The following ACSS3 variants were observed in gnomAD, a reference collection of about 807,000 sequenced individuals.
ACSS3 encodes the protein acyl-CoA synthetase short chain family member 3, also known as acyl-CoA synthetase short-chain family member 3, mitochondrial.
In ACSS3, 64 loss-of-function variants were observed where a neutral mutation model predicts 84.2. The observed-to-expected ratio is 0.76, with a 90% CI of 0.62 to 0.94. The LOEUF (loss-of-function observed/expected upper bound fraction) is 0.94, where lower values mean the gene tolerates loss of function less well. Ranked by LOEUF, ACSS3 falls within the 40% of genes least tolerant of loss-of-function variation. ACSS3 has a pLI of 0.00. For synonymous variants in ACSS3, 317 were observed against 310.1 expected (o/e 1.02, Z -0.23); for missense variants, 815 against 867.6 (o/e 0.94, Z 0.76).
chr12:81,191,876 T>G (rs1420577932), intron 8 of ACSS3, among the ~76,000 whole-genome samples: 1 of 152,194 alleles, frequency 6.6e-6, no homozygotes, highest in African/African-American at 2.4e-5. Flanking sequence ...TTCCTAAACA[T>G]TTTTCAGTTT....
intron 2 of ACSS3, among the ~76,000 whole-genome samples, chr12:81,112,551 A>C (rs920545052): frequency 1.3e-5 from 2 of 152,170 alleles, no homozygotes; most frequent in African/African-American, 4.8e-5. Context: ...AGTAGTTAAA[A>C]GGACTGTTTC....
At chr12:81,119,776 T>A (rs903621490) in intron 2 of ACSS3, among the ~76,000 whole-genome samples, 1 of 152,164 alleles carries the variant, frequency 6.6e-6, no homozygotes, top group Non-Finnish European at 1.5e-5. Flanking sequence ...TGCACTGATT[T>A]CATATTGTTC....
chr12:81,218,471 C>T (rs60825684), intron 10 of ACSS3, among the ~76,000 whole-genome samples: 8,202 of 152,060 alleles, frequency 0.054, 394 homozygotes, highest in African/African-American at 0.13. Context: ...GTTACAAAAA[C>T]GTGGATCATT....
At chr12:81,087,496 C>T (rs1404404446) in intron 1 of ACSS3, among the ~76,000 whole-genome samples, 1 of 151,792 alleles carries the variant, frequency 6.6e-6, no homozygotes, top group Non-Finnish European at 1.5e-5. Context: ...TACTGTAGAT[C>T]TGGCCAGTAT....
intron 13 of ACSS3, among the ~76,000 whole-genome samples, chr12:81,237,278 AATT>A (rs1416195311): frequency 1.3e-5 from 2 of 151,548 alleles, no homozygotes; most frequent in Admixed American, 6.6e-5. Context: ...TTGACAGATA[AATT>A]AAAGTTTTAT....
At chr12:81,253,139 T>A (rs773392057) in intron 13 of ACSS3, among the ~76,000 whole-genome samples, 168 bp from the exon 14 acceptor site, 1 of 152,220 alleles carries the variant, frequency 6.6e-6, no homozygotes, top group East Asian at 1.9e-4. Context: ...AAATTACTTA[T>A]GAATTTTCAA....
intron 13 of ACSS3, among the ~76,000 whole-genome samples, chr12:81,244,235 T>G (rs1194607449): frequency 6.6e-6 from 1 of 152,156 alleles, no homozygotes. Context: ...ATTCTTATCT[T>G]TGCTTCTCTA....
At chr12:81,213,866 TTC>T (rs1453882712) in intron 9 of ACSS3, among the ~76,000 whole-genome samples, 2 of 109,628 alleles carry the variant, frequency 1.8e-5, no homozygotes, top group African/African-American at 6.3e-5. Context: ...TTCTCTTCCT[TTC>T]TTTCTTTCTT....
intron 9 of ACSS3, among the ~76,000 whole-genome samples, chr12:81,206,495 A>G (rs978274520): frequency 1.3e-5 from 2 of 151,784 alleles, no homozygotes; most frequent in Non-Finnish European, 2.9e-5. Context: ...TTTTTCTTTC[A>G]TTCATAGAAA....
At chr12:81,143,364 C>T in intron 5 of ACSS3, 117 bp downstream of exon 5, 1 of 1,154,682 alleles carries the variant, frequency 8.7e-7, no homozygotes, top group Middle Eastern at 2.3e-4. Context: ...AGAGTTACTT[C>T]ATTTGCTTTT....
At chr12:81,112,246 T>G (rs1380943366) in intron 2 of ACSS3, among the ~76,000 whole-genome samples, 1 of 152,210 alleles carries the variant, frequency 6.6e-6, no homozygotes, top group East Asian at 1.9e-4. Flanking sequence ...AAATTCTTAT[T>G]GGTATACAAA....
chr12:81,205,173 G>C (rs1013952672), intron 9 of ACSS3, among the ~76,000 whole-genome samples: 3 of 152,066 alleles, frequency 2.0e-5, no homozygotes, highest in African/African-American at 7.2e-5. Context: ...TTTTGTTAAA[G>C]TGGACCCAAA....
intron 9 of ACSS3, among the ~76,000 whole-genome samples, chr12:81,210,542 C>G (rs1593200018): frequency 6.7e-6 from 1 of 149,462 alleles, no homozygotes; most frequent in Non-Finnish European, 1.5e-5. Context: ...GGCTATGAAC[C>G]TGGCAACTGT....
chr12:81,161,805 G>A (rs1887162984), intron 7 of ACSS3, among the ~76,000 whole-genome samples: 1 of 146,330 alleles, frequency 6.8e-6, no homozygotes, highest in African/African-American at 2.5e-5. Flanking sequence ...AGGGGTGTGT[G>A]AGCATGCAAG....
At chr12:81,205,922 T>C (rs1358769804) in intron 9 of ACSS3, among the ~76,000 whole-genome samples, 1 of 152,124 alleles carries the variant, frequency 6.6e-6, no homozygotes. Context: ...CAAAATCTTG[T>C]ATATTTACTG....
chr12:81,230,995 C>G, intron 11 of ACSS3, 62 bp from the exon 12 acceptor site: 1 of 1,246,182 alleles, frequency 8.0e-7, no homozygotes, highest in Non-Finnish European at 1.2e-6. Context: ...AATAATAGTT[C>G]TAATCAACCT....
chr12:81,164,352 C>T (rs997527287), intron 7 of ACSS3, among the ~76,000 whole-genome samples: 12 of 152,128 alleles, frequency 7.9e-5, no homozygotes, highest in Non-Finnish European at 1.3e-4. Flanking sequence ...TATAAATACA[C>T]TCTGTGAGGT....
At chr12:81,117,310 G>C (rs911505248) in intron 2 of ACSS3, among the ~76,000 whole-genome samples, 1 of 152,042 alleles carries the variant, frequency 6.6e-6, no homozygotes, top group Non-Finnish European at 1.5e-5. Flanking sequence ...CATTCTAGTT[G>C]GGAATATGTA....
At chr12:81,089,921 G>A (rs746392264) in intron 1 of ACSS3, among the ~76,000 whole-genome samples, 2 of 151,968 alleles carry the variant, frequency 1.3e-5, no homozygotes, top group Non-Finnish European at 2.9e-5. Flanking sequence ...TTATACAGTG[G>A]TGGACTTAGT....
Sources: gnomAD v4.1 joint callset for allele counts (sites outside exome capture counted in the v4.1 genomes callset) on GRCh38, gnomAD v4.1.1 for gene constraint, MANE v1.5 for transcripts, NCBI Gene and HGNC (gene_info 2026-07-23, HGNC 2026-07-21) for gene names.